The following FAT1 variants were observed in gnomAD, a reference collection of about 807,000 sequenced individuals.
The protein encoded by FAT1 is protocadherin Fat 1.
A neutral mutation model predicts 329.8 loss-of-function variants in FAT1; 171 were observed. That is an observed-to-expected ratio of 0.52 (90% CI 0.46 to 0.59). The LOEUF is 0.59. Among genes scored for constraint, FAT1 ranks in the 20% least tolerant of loss-of-function variants. The probability of loss-of-function intolerance (pLI) is 0.00; values close to 1 mark genes in which losing one functional copy is unlikely to be tolerated. For synonymous variants in FAT1, 2,233 were observed against 2,228.6 expected, an observed-to-expected ratio of 1.00 and a Z score of -0.06; for missense variants, 5,672 against 5,774.4, an observed-to-expected ratio of 0.98 and a Z score of 0.57.
At position 186,708,959 on chromosome 4, in the gene FAT1, GCTA is replaced by G; in HGVS notation, c.866_868del (p.Ile289_Ala290delinsThr). 6.2e-7 allele frequency: 1 copy of G among 1,614,002 alleles called. No homozygotes were observed. Among genetic ancestry groups the G allele is most frequent in the African/African-American group, 1.3e-5 (1 of 75,046 alleles). ...GTCACCTGCCACGATGCTTAAAGAT[GCTA>G]TGTCACCATTGGCACCCTGATCGCA... is the stretch of plus-strand genomic sequence containing the variant. On this transcript the variant is annotated inframe_deletion, in exon 2 of 27. Coordinates refer to ENST00000441802, the MANE Select transcript of FAT1 (RefSeq NM_005245.4).
chr4:186,631,750 T>C (rs1579356531), intron 7 of FAT1, among the ~76,000 whole-genome samples: 1 of 151,704 alleles, frequency 6.6e-6, no homozygotes, highest in Non-Finnish European at 1.5e-5. Flanking sequence ...TGCTTTTCAA[T>C]CCATCCCCAC....
At position 186,602,926 on chromosome 4, in the gene FAT1, C is replaced by T; in HGVS notation, c.11459G>A (p.Ser3820Asn). The T allele has an allele frequency of 6.2e-7, 1 of 1,613,956 alleles. No individual in the cohort carries two copies. Residue 3820 changes from serine (S) to asparagine (N), a missense_variant, in exon 20 of 27, where the codon AGC becomes AAC. Ser to Asn is a conservative substitution (Grantham distance 46). Transcript: ENST00000441802. The part of the protein sequence containing the change: ...WEEKHTCVCP[S>N]GRFGQCPGSS... ...ACCTGGGCACTGACCAAACCTGCCGCTGGGACAGACACAGGTGTGTTTCTC... is the reference window on the plus strand; with the variant it reads ...ACCTGGGCACTGACCAAACCTGCCGTTGGGACAGACACAGGTGTGTTTCTC...
intron 26 of FAT1, chr4:186,590,346 A>C (rs145143811): frequency 1.6e-6 from 2 of 1,284,870 alleles, no homozygotes; most frequent in Non-Finnish European, 2.0e-6. Context: ...GTATCAATGA[A>C]TAACTGGCAT....
intron 2 of FAT1, among the ~76,000 whole-genome samples, chr4:186,687,515 T>C (rs1353840625): frequency 1.3e-5 from 2 of 152,210 alleles, no homozygotes; most frequent in South Asian, 2.1e-4. Context: ...TATTCAAAAA[T>C]TGAGTATTAC....
At chr4:186,711,070 T>TA (rs1744925396) in intron 1 of FAT1, among the ~76,000 whole-genome samples, 1 of 152,192 alleles carries the variant, frequency 6.6e-6, no homozygotes, top group Non-Finnish European at 1.5e-5. Flanking sequence ...CTCAAATTAA[T>TA]ATTCACAAAA....
Position 186,620,744 on chromosome 4 carries a change from A to C in FAT1, c.5842T>G (p.Tyr1948Asp). ...VQNTTQLRSRYELTVRASDGR... is the reference protein window; with the variant it reads ...VQNTTQLRSRDELTVRASDGR... ...TCGGAAGCTCTAACGGTTAGCTCGT[A>C]GCGGCTTCTTAACTGAGTTGTGTTT... The change falls in exon 10 of 27, where the codon TAC becomes GAC. Residue 1948 changes from tyrosine (Y) to aspartate (D), a missense_variant. Transcript: ENST00000441802. 6.2e-7 allele frequency: 1 copy of C among 1,614,030 alleles called. No homozygotes were observed. Among genetic ancestry groups the C allele is most frequent in the Non-Finnish European group, 8.5e-7 (1 of 1,179,896 alleles).
In FAT1 at chr4:186,707,297, AC is replaced by A; in HGVS notation, c.2530del (p.Val844LeufsTer14). On this transcript the variant is annotated frameshift_variant, in exon 2 of 27. Coordinates refer to ENST00000441802, the MANE Select transcript of FAT1 (RefSeq NM_005245.4). LOFTEE classifies it high-confidence loss of function. ...DKEVHSEIIQ[V>X]EATDKDLGPN... is the part of the protein sequence containing the mutation. ...CCCCAGGTCTTTATCTGTGGCTTCAACCTGGATGATTTCACTATGTACCTCC... is the reference window on the plus strand; with the variant it reads ...CCCCAGGTCTTTATCTGTGGCTTCAACTGGATGATTTCACTATGTACCTCC... The A allele has an allele frequency of 6.2e-7, 1 of 1,613,788 alleles. No individual in the cohort carries two copies. The highest frequency in any genetic ancestry group is 1.7e-5 in the Admixed American group (1 of 59,996).
chr4:186,677,101 A>C (rs1189311208), intron 2 of FAT1, among the ~76,000 whole-genome samples: 1 of 152,146 alleles, frequency 6.6e-6, no homozygotes, highest in African/African-American at 2.4e-5. Context: ...TTTTCTATTA[A>C]ATTTTATTTC....
At chr4:186,653,125 T>A (rs921568168) in intron 3 of FAT1, among the ~76,000 whole-genome samples, 1 of 152,130 alleles carries the variant, frequency 6.6e-6, no homozygotes, top group South Asian at 2.1e-4. Context: ...AATAAGAGAA[T>A]AAACAAAATG....
intron 2 of FAT1, among the ~76,000 whole-genome samples, chr4:186,667,339 T>C (rs981062994): frequency 1.2e-4 from 19 of 152,294 alleles, no homozygotes; most frequent in South Asian, 8.3e-4. Flanking sequence ...CCCGGTAATC[T>C]ACGGATATTA....
At chr4:186,651,096 CATT>C (rs1305139629) in intron 3 of FAT1, among the ~76,000 whole-genome samples, 4 of 124,012 alleles carry the variant, frequency 3.2e-5, no homozygotes, top group East Asian at 2.6e-4. Context: ...TTTGATGCTT[CATT>C]ATTATTCATA....
chr4:186,652,477 T>C (rs1358998981), intron 3 of FAT1, among the ~76,000 whole-genome samples: 1 of 152,204 alleles, frequency 6.6e-6, no homozygotes, highest in East Asian at 1.9e-4. Context: ...TCGGCAGAAA[T>C]GTACTGAATA....
intron 16 of FAT1, among the ~76,000 whole-genome samples, chr4:186,607,349 G>T (rs1421475502): frequency 6.6e-6 from 1 of 152,074 alleles, no homozygotes; most frequent in Admixed American, 6.6e-5. Context: ...ATGGATGGAT[G>T]AATGGATGGA....
intron 3 of FAT1, among the ~76,000 whole-genome samples, chr4:186,647,846 T>C (rs1486601778): frequency 2.0e-5 from 3 of 152,180 alleles, no homozygotes; most frequent in Non-Finnish European, 4.4e-5. Flanking sequence ...ACTACCAGGA[T>C]CCGGAAGTTA....
intron 2 of FAT1, among the ~76,000 whole-genome samples, chr4:186,673,911 G>C (rs1045295455): frequency 6.6e-6 from 1 of 151,916 alleles, no homozygotes; most frequent in Non-Finnish European, 1.5e-5. Flanking sequence ...AAGCTCTACT[G>C]TTAAAGAGGA....
At chr4:186,594,150 A>C (rs1473678568) in intron 26 of FAT1, among the ~76,000 whole-genome samples, 1 of 151,808 alleles carries the variant, frequency 6.6e-6, no homozygotes, top group Non-Finnish European at 1.5e-5. Flanking sequence ...ACTGCAAGCT[A>C]CAACTCCCGG....
rs544006490 is a variant in FAT1, at chr4:186,666,822, C to G, written c.3266-3209G>C. Among the ~76,000 whole-genome samples, 4 of 152,314 alleles carry G rather than the reference C, an allele frequency of 2.6e-5. 1 individual carries two copies. The South Asian group carries it at 8.3e-4, about 32-fold the overall frequency. On this transcript the variant is annotated intron_variant, in intron 2 of 26. Coordinates refer to ENST00000441802, the MANE Select transcript of FAT1 (RefSeq NM_005245.4). ...ATGTGATGCTATTAACTCCATTTCA[C>G]TAACGAAAAACTCAGATTGAGAGAA...
rs757011697 is a variant in FAT1, at chr4:186,636,738, G to T, written c.3819C>A (p.His1273Gln). ...CCTCATCCTTGTCGGTGGCTATGACGTGATAGAGCGGCTCCCGTCTGGCAT... is the reference window on the plus strand; with the variant it reads ...CCTCATCCTTGTCGGTGGCTATGACTTGATAGAGCGGCTCCCGTCTGGCAT... ...ERNARREPLY[H>Q]VIATDKDEGP... Residue 1273 changes from histidine to glutamine, a missense_variant, in exon 5 of 27, where the codon CAC becomes CAA. This residue lies in a region of FAT1 where 3,966 missense variants were observed against 3,915.2 expected (regional missense o/e 1.01). Coordinates refer to ENST00000441802, the MANE Select transcript of FAT1 (RefSeq NM_005245.4). 6.2e-6 allele frequency: 10 copies of T among 1,613,648 alleles called. No homozygotes were observed. The South Asian group carries it at 6.6e-5, about 11-fold the overall frequency.
chr4:186,707,041 T>C lies in FAT1; in HGVS notation c.2787A>G (p.Pro929=), dbSNP rs1021560541. 3.1e-6 allele frequency: 5 copies of C among 1,613,706 alleles called. No homozygotes were observed. The African/African-American group carries it at 6.7e-5, about 22-fold the overall frequency. ...CTCGGACTTTCACACGATAATTAGG[T>C]GGAATAAATGTAGGTGGGTTGTCAT... ...DVNDNPPTFI[P]PNYRVKVRED... is the part of the protein sequence containing the mutation. Residue 929 remains proline, a synonymous_variant, in exon 2 of 27, where the codon CCA becomes CCG. Coordinates refer to ENST00000441802, the MANE Select transcript of FAT1 (RefSeq NM_005245.4).
Sources: allele counts gnomAD v4.1 joint callset (sites outside exome capture counted in the v4.1 genomes callset), GRCh38; gene constraint gnomAD v4.1.1; regional missense constraint gnomAD v4.1.1; transcripts MANE v1.5; gene names NCBI Gene and HGNC (gene_info 2026-07-23, HGNC 2026-07-21).